ZBTB20: variants seen among roughly 807,000 people sequenced by gnomAD.
The protein encoded by ZBTB20 is zinc finger and BTB domain containing 20.
A neutral mutation model predicts 56.9 loss-of-function variants in ZBTB20; 9 were observed. The ratio of observed to expected loss-of-function variants is 0.16; its 90% CI spans 0.10 to 0.28. ZBTB20 has a LOEUF of 0.28. Among genes scored for constraint, ZBTB20 ranks in the 10% least tolerant of loss-of-function variants. ZBTB20 has a pLI of 1.00. For synonymous variants in ZBTB20, 417 were observed against 420.7 expected (o/e 0.99, Z 0.11); for missense variants, 655 against 1,003.0 (o/e 0.65, Z 4.69).
intron 5 of ZBTB20, among the ~76,000 whole-genome samples, chr3:114,770,711 C>A (rs926891236): frequency 2.0e-5 from 3 of 152,124 alleles, no homozygotes; most frequent in African/African-American, 7.2e-5. Context: ...TTGTATCATA[C>A]AGTGATGAAT....
intron 6 of ZBTB20, among the ~76,000 whole-genome samples, chr3:114,569,324 G>C (rs989181952): frequency 6.6e-6 from 1 of 152,226 alleles, no homozygotes; most frequent in South Asian, 2.1e-4. Flanking sequence ...TGGACAGGAA[G>C]TTTGGGGTCA....
At chr3:114,379,950 T>C (rs2084111827) in intron 10 of ZBTB20, among the ~76,000 whole-genome samples, 1 of 152,220 alleles carries the variant, frequency 6.6e-6, no homozygotes, top group South Asian at 2.1e-4. Flanking sequence ...CAAAACTTCA[T>C]TTTCTGGGTT....
At chr3:114,795,951 C>T (rs1173046921) in intron 5 of ZBTB20, among the ~76,000 whole-genome samples, 3 of 152,010 alleles carry the variant, frequency 2.0e-5, no homozygotes, top group Admixed American at 2.0e-4. Context: ...AAGGCATACA[C>T]ATAAAGTGCT....
intron 4 of ZBTB20, among the ~76,000 whole-genome samples, chr3:114,886,516 C>T (rs1693854080): frequency 6.6e-6 from 1 of 152,168 alleles, no homozygotes; most frequent in African/African-American, 2.4e-5. Context: ...ACATTTTCTG[C>T]AACTCTTGAT....
chr3:115,096,500 C>T (rs2083384811), intron 1 of ZBTB20, among the ~76,000 whole-genome samples: 1 of 152,112 alleles, frequency 6.6e-6, no homozygotes. Flanking sequence ...GCTTTAATGT[C>T]CATTTTCAAC....
intron 6 of ZBTB20, among the ~76,000 whole-genome samples, chr3:114,595,460 C>G (rs533494755): frequency 1.5e-4 from 23 of 152,300 alleles, no homozygotes; most frequent in Middle Eastern, 3.4e-3. Context: ...TGGTATATAG[C>G]AGATCCTGAG....
intron 5 of ZBTB20, among the ~76,000 whole-genome samples, chr3:114,717,495 G>A (rs777699926): frequency 3.3e-5 from 5 of 151,988 alleles, no homozygotes; most frequent in Admixed American, 1.3e-4. Flanking sequence ...CTAGAGATTT[G>A]AGGCTTTGAT....
At chr3:114,412,098 T>C (rs1035258655) in intron 7 of ZBTB20, among the ~76,000 whole-genome samples, 2 of 152,116 alleles carry the variant, frequency 1.3e-5, no homozygotes, top group Admixed American at 6.6e-5. Flanking sequence ...AGGTATATTT[T>C]CAGGAAGATG....
intron 2 of ZBTB20, among the ~76,000 whole-genome samples, chr3:115,041,437 C>T (rs2081138292): frequency 6.6e-6 from 1 of 152,010 alleles, no homozygotes; most frequent in Non-Finnish European, 1.5e-5. Context: ...TCATGTTTCA[C>T]AACTGAAAAA....
chr3:114,421,016 G>A (rs2089116291), intron 7 of ZBTB20, among the ~76,000 whole-genome samples: 1 of 152,056 alleles, frequency 6.6e-6, no homozygotes, highest in Non-Finnish European at 1.5e-5. Context: ...TGGAGTCAAA[G>A]CTTTTCTCAT....
At chr3:115,057,771 A>C (rs958440109) in intron 2 of ZBTB20, among the ~76,000 whole-genome samples, 1 of 152,060 alleles carries the variant, frequency 6.6e-6, no homozygotes, top group Non-Finnish European at 1.5e-5. Context: ...ATGTCCCCAA[A>C]AGTCTTTATT....
intron 5 of ZBTB20, among the ~76,000 whole-genome samples, chr3:114,787,242 T>G (rs1012377372): frequency 6.6e-6 from 1 of 150,792 alleles, no homozygotes; most frequent in East Asian, 1.9e-4. Context: ...CCTCCCAAAC[T>G]GCTGGAACTC....
At chr3:114,418,840 T>C (rs2088847258) in intron 7 of ZBTB20, among the ~76,000 whole-genome samples, 1 of 152,118 alleles carries the variant, frequency 6.6e-6, no homozygotes, top group African/African-American at 2.4e-5. Flanking sequence ...ACATCGACCA[T>C]ATGTTGCACA....
Position 115,015,417 on chromosome 3 carries a change from G to C in ZBTB20, c.-506-41001C>G, listed in dbSNP as rs113655470. On this transcript the variant is annotated intron_variant, in intron 2 of 11. Transcript: ENST00000675478. ...CTGCACAGATCAACCCATCACCTAG[G>C]TATTAAACCCAGCATCCATTAACTA... Among the ~76,000 whole-genome samples the C allele has an allele frequency of 4.2e-3, 633 of 151,798 alleles. 6 individuals carry two copies. The highest frequency in any genetic ancestry group is 0.014 in the African/African-American group (591 of 41,464).
At chr3:114,600,665 T>C (rs1373742900) in intron 6 of ZBTB20, among the ~76,000 whole-genome samples, 1 of 152,016 alleles carries the variant, frequency 6.6e-6, no homozygotes, top group Admixed American at 6.6e-5. Flanking sequence ...ATTGAAAGGC[T>C]CTGAGTTAGA....
intron 5 of ZBTB20, among the ~76,000 whole-genome samples, chr3:114,748,012 T>A (rs973868758): frequency 3.3e-5 from 5 of 151,756 alleles, no homozygotes; most frequent in Admixed American, 3.3e-4. Flanking sequence ...ACTTATTGAA[T>A]TTTCAAAAAG....
chr3:115,032,959 A>AAG (rs397874853), intron 2 of ZBTB20, among the ~76,000 whole-genome samples: 42 of 121,982 alleles, frequency 3.4e-4, no homozygotes, highest in African/African-American at 1.5e-3. Context: ...CTAAGGAACT[A>AAG]AAAAAAAAAA....
At chr3:114,720,242 TTATC>T (rs1417569080) in intron 5 of ZBTB20, among the ~76,000 whole-genome samples, 1 of 149,364 alleles carries the variant, frequency 6.7e-6, no homozygotes, top group Non-Finnish European at 1.5e-5. Context: ...GTAGTCTCTA[TTATC>T]TAAATATATT....
At chr3:114,399,442 T>A (rs1231602544) in intron 7 of ZBTB20, among the ~76,000 whole-genome samples, 2 of 152,310 alleles carry the variant, frequency 1.3e-5, no homozygotes, top group East Asian at 3.9e-4. Context: ...AAATATAAAA[T>A]TCTGTGTCCG....
Sources: gnomAD v4.1 joint callset for allele counts (sites outside exome capture counted in the v4.1 genomes callset) on GRCh38, gnomAD v4.1.1 for gene constraint, MANE v1.5 for transcripts, NCBI Gene and HGNC (gene_info 2026-07-23, HGNC 2026-07-21) for gene names.